THEMIS: variants seen among roughly 807,000 people sequenced by gnomAD.
THEMIS encodes the protein thymocyte selection associated.
Under a neutral mutation model 52.6 loss-of-function variants are expected in THEMIS, and 37 were observed. That is an observed-to-expected ratio of 0.70 (90% CI 0.54 to 0.93). The LOEUF is 0.93. THEMIS is among the 40% of genes least tolerant of loss of function. The pLI is 0.00. For missense variants in THEMIS, 808 were observed against 763.1 expected (o/e 1.06, Z -0.69); for synonymous variants, 292 against 272.7 (o/e 1.07, Z -0.70).
intron 4 of THEMIS, among the ~76,000 whole-genome samples, chr6:127,730,277 T>TAAAGAAAAAAGAAAAGAAAAGA (rs1774721997): frequency 1.8e-5 from 1 of 54,672 alleles, no homozygotes; most frequent in Non-Finnish European, 5.2e-5. Context: ...CTATAGGAAA[T>TAAAGAAAAAAGAAAAGAAAAGA]AAAGAAAAGA....
intron 5 of THEMIS, among the ~76,000 whole-genome samples, chr6:127,713,705 T>C (rs1176608780): frequency 1.3e-5 from 2 of 151,890 alleles, no homozygotes; most frequent in Non-Finnish European, 2.9e-5. Flanking sequence ...GGAAAGATTA[T>C]GCCATTTAGA....
chr6:127,820,400 A>G lies in THEMIS; in HGVS notation c.710-6469T>C, dbSNP rs141221473. On this transcript the variant is annotated intron_variant, in intron 3 of 5. Coordinates refer to ENST00000368248, the MANE Select transcript of THEMIS (RefSeq NM_001010923.3). ...ACCGTGATCAATGATAAGAAGGGAA[A>G]TTGAGAATAGTCAGTAATTAAAAAG... is the stretch of plus-strand genomic sequence containing the variant. Among the ~76,000 whole-genome samples the G allele has an allele frequency of 5.4e-4, 82 of 152,200 alleles. 1 individual carries two copies. Among genetic ancestry groups the G allele is most frequent in the African/African-American group, 1.9e-3 (79 of 41,578 alleles).
At chr6:127,828,451 G>A (rs762477184) in intron 3 of THEMIS, among the ~76,000 whole-genome samples, 12 of 152,062 alleles carry the variant, frequency 7.9e-5, no homozygotes, top group Non-Finnish European at 1.6e-4. Context: ...TGCATAAACA[G>A]GGAGTTTAAA....
upstream of THEMIS, among the ~76,000 whole-genome samples, chr6:127,903,031 T>C (rs963724852): frequency 2.0e-5 from 3 of 152,096 alleles, no homozygotes; most frequent in African/African-American, 7.2e-5. Context: ...ACGCTCTCTC[T>C]GTGATAATCA....
At chr6:127,707,677 T>G (rs1773832119), downstream of THEMIS, among the ~76,000 whole-genome samples, 1 of 152,246 alleles carries the variant, frequency 6.6e-6, no homozygotes, top group African/African-American at 2.4e-5. Context: ...TATAATTAGA[T>G]CCTAATTCTG....
At chr6:127,851,515 A>T (rs988387308) in intron 2 of THEMIS, among the ~76,000 whole-genome samples, 18 of 151,830 alleles carry the variant, frequency 1.2e-4, no homozygotes, top group African/African-American at 2.7e-4. Context: ...CTCAATTTTT[A>T]AAAAAATGAG....
At chr6:127,747,678 A>G (rs895318040) in intron 4 of THEMIS, among the ~76,000 whole-genome samples, 9 of 151,922 alleles carry the variant, frequency 5.9e-5, no homozygotes, top group Non-Finnish European at 8.8e-5. Context: ...TACTCATAAG[A>G]TAAAGTTATT....
chr6:127,770,718 G>A (rs1776355118), intron 4 of THEMIS, among the ~76,000 whole-genome samples: 1 of 152,124 alleles, frequency 6.6e-6, no homozygotes, highest in Non-Finnish European at 1.5e-5. Flanking sequence ...GAATGGTATT[G>A]CCTAGGTTTT....
chr6:127,762,281 T>A lies in THEMIS; in HGVS notation c.1759-42458A>T, dbSNP rs560838674. Among the ~76,000 whole-genome samples the A allele has an allele frequency of 2.0e-5, 3 of 152,090 alleles. No individual in the cohort carries two copies. In the East Asian group the frequency reaches 5.8e-4, roughly 29 times the overall value. The stretch of plus-strand genomic sequence containing the variant: ...GTGAAATGAGGAGTGACAAATTAAG[T>A]TTCAGTCAAGGAAGATGAATAAGCT... On this transcript the variant is annotated intron_variant, in intron 4 of 5. Transcript: ENST00000368248.
intron 1 of THEMIS, among the ~76,000 whole-genome samples, chr6:127,916,529 T>C (rs913468328): frequency 6.6e-6 from 1 of 152,200 alleles, no homozygotes; most frequent in Admixed American, 6.5e-5. Flanking sequence ...AAGAGGGGCA[T>C]GATCAAAGCT....
At chr6:127,780,330 A>T (rs1219081956) in intron 4 of THEMIS, among the ~76,000 whole-genome samples, 1 of 152,132 alleles carries the variant, frequency 6.6e-6, no homozygotes. Context: ...CAGCACACCG[A>T]TGGGTCTTTA....
At chr6:127,918,207 G>A (rs1781565331) in intron 1 of THEMIS, among the ~76,000 whole-genome samples, 2 of 152,128 alleles carry the variant, frequency 1.3e-5, no homozygotes, top group Admixed American at 6.6e-5. Flanking sequence ...CAGGCATAAT[G>A]CGTGCCTGCA....
intron 1 of THEMIS, among the ~76,000 whole-genome samples, chr6:127,896,795 G>A (rs1236156243): frequency 6.6e-6 from 1 of 151,420 alleles, no homozygotes; most frequent in Non-Finnish European, 1.5e-5. Context: ...TACCTCTTGA[G>A]GAGAAACCTA....
chr6:127,819,736 A>G (rs1778270188), intron 3 of THEMIS, among the ~76,000 whole-genome samples: 1 of 152,194 alleles, frequency 6.6e-6, no homozygotes, highest in Non-Finnish European at 1.5e-5. Flanking sequence ...TGTGAGTAAC[A>G]ATTCAGGGAA....
chr6:127,848,804 C>A (rs1039568633), intron 2 of THEMIS, among the ~76,000 whole-genome samples: 2 of 152,082 alleles, frequency 1.3e-5, no homozygotes, highest in African/African-American at 4.8e-5. Flanking sequence ...TGTTTGAATT[C>A]ATCGTAGATT....
intron 2 of THEMIS, among the ~76,000 whole-genome samples, chr6:127,834,522 T>G (rs1778810870): frequency 6.6e-6 from 1 of 151,688 alleles, no homozygotes. Context: ...AGATGAAGGT[T>G]GTAGTGAGCA....
At chr6:127,742,474 C>T (rs1775243167) in intron 4 of THEMIS, among the ~76,000 whole-genome samples, 1 of 151,868 alleles carries the variant, frequency 6.6e-6, no homozygotes, top group African/African-American at 2.4e-5. Flanking sequence ...AACTAATGTT[C>T]ACAGTAGTAT....
intron 2 of THEMIS, among the ~76,000 whole-genome samples, chr6:127,852,101 T>A (rs538164223): frequency 6.6e-6 from 1 of 151,524 alleles, no homozygotes; most frequent in Non-Finnish European, 1.5e-5. Context: ...ACTATACTAA[T>A]ACCAGACAAA....
At chr6:127,741,816 A>G (rs1775212491) in intron 4 of THEMIS, among the ~76,000 whole-genome samples, 1 of 152,234 alleles carries the variant, frequency 6.6e-6, no homozygotes, top group Non-Finnish European at 1.5e-5. Flanking sequence ...AGGAACCATT[A>G]AAATCCATTA....
Sources: gnomAD v4.1 joint callset for allele counts (sites outside exome capture counted in the v4.1 genomes callset) on GRCh38, gnomAD v4.1.1 for gene constraint, MANE v1.5 for transcripts, NCBI Gene and HGNC (gene_info 2026-07-23, HGNC 2026-07-21) for gene names.